Variants in SUGCT observed in about 807,000 individuals in gnomAD.
SUGCT encodes the protein succinyl-CoA:glutarate-CoA transferase.
SUGCT carries 41 observed loss-of-function variants against 55.0 expected under a neutral mutation model. That is an observed-to-expected ratio of 0.74 (90% CI 0.58 to 0.97). SUGCT has a LOEUF of 0.97. Ranked by LOEUF, SUGCT falls within the 50% of genes least tolerant of loss-of-function variation. The pLI is 0.00. For missense variants in SUGCT, 568 were observed against 547.8 expected (o/e 1.04, Z -0.37); for synonymous variants, 187 against 200.4 (o/e 0.93, Z 0.56).
At chr7:40,571,749 T>G (rs1045126519) in intron 12 of SUGCT, among the ~76,000 whole-genome samples, 6 of 152,186 alleles carry the variant, frequency 3.9e-5, no homozygotes, top group African/African-American at 1.4e-4. Context: ...AGAAAAGCTT[T>G]TATCAGGCAC....
chr7:40,229,502 G>C (rs1293731086), intron 6 of SUGCT, among the ~76,000 whole-genome samples: 1 of 146,966 alleles, frequency 6.8e-6, no homozygotes, highest in African/African-American at 2.5e-5. Flanking sequence ...CTGGGCAATA[G>C]AGTGAGACCC....
At chr7:40,351,462 G>C (rs886973554) in intron 9 of SUGCT, among the ~76,000 whole-genome samples, 1 of 151,726 alleles carries the variant, frequency 6.6e-6, no homozygotes, top group Non-Finnish European at 1.5e-5. Flanking sequence ...TATTTATTTA[G>C]GAATTTAGCA....
intron 13 of SUGCT, among the ~76,000 whole-genome samples, chr7:40,780,634 G>C (rs1311044406): frequency 6.6e-6 from 1 of 152,100 alleles, no homozygotes; most frequent in Non-Finnish European, 1.5e-5. Flanking sequence ...CCTCATTACT[G>C]ATTGTGTAGA....
the SUGCT span, among the ~76,000 whole-genome samples, chr7:40,990,729 CTTG>C: frequency 6.6e-6 from 1 of 152,250 alleles, no homozygotes; most frequent in Non-Finnish European, 1.5e-5. Context: ...TTCTAGATAA[CTTG>C]TTGTGGCTAC....
chr7:40,287,594 C>A (rs890721437), intron 8 of SUGCT, among the ~76,000 whole-genome samples: 3 of 151,678 alleles, frequency 2.0e-5, no homozygotes, highest in Non-Finnish European at 4.4e-5. Context: ...AACTCCCAGT[C>A]TCAAGCAATC....
At chr7:40,248,096 C>CT (rs1444856140) in intron 7 of SUGCT, among the ~76,000 whole-genome samples, 19 of 150,112 alleles carry the variant, frequency 1.3e-4, no homozygotes, top group African/African-American at 4.6e-4. Context: ...ACTGTAACCT[C>CT]TGCCTCCTGG....
At chr7:40,567,064 C>G (rs775778336) in intron 12 of SUGCT, among the ~76,000 whole-genome samples, 3 of 152,206 alleles carry the variant, frequency 2.0e-5, no homozygotes, top group Non-Finnish European at 2.9e-5. Context: ...TTCAAATAAT[C>G]TCCTTGCTGT....
the SUGCT span, among the ~76,000 whole-genome samples, chr7:41,002,333 T>G: frequency 6.6e-6 from 1 of 152,202 alleles, no homozygotes; most frequent in Non-Finnish European, 1.5e-5. Context: ...GAATGCGAAC[T>G]TTATCCTTTA....
At chr7:40,327,255 C>A (rs1274736410) in intron 9 of SUGCT, among the ~76,000 whole-genome samples, 3 of 103,004 alleles carry the variant, frequency 2.9e-5, no homozygotes, top group Non-Finnish European at 1.9e-5. Context: ...AAGACAAAAT[C>A]TTTTGTTTGA....
At chr7:40,295,739 A>G (rs137884722) in intron 8 of SUGCT, among the ~76,000 whole-genome samples, 7 of 152,338 alleles carry the variant, frequency 4.6e-5, no homozygotes, top group African/African-American at 1.4e-4. Context: ...GTCATAATGT[A>G]AACATTGTCT....
chr7:40,748,103 A>T (rs1787822745), intron 12 of SUGCT, among the ~76,000 whole-genome samples: 1 of 150,342 alleles, frequency 6.7e-6, no homozygotes, highest in Non-Finnish European at 1.5e-5. Flanking sequence ...AGCCAAAGCT[A>T]CCTTGTGTTC....
At chr7:40,244,377 G>T (rs1035390601) in intron 7 of SUGCT, among the ~76,000 whole-genome samples, 1 of 152,092 alleles carries the variant, frequency 6.6e-6, no homozygotes, top group Admixed American at 6.6e-5. Context: ...GCGGTCTTAG[G>T]GAAAACAATA....
chr7:40,687,335 T>G (rs1217780468), intron 12 of SUGCT, among the ~76,000 whole-genome samples: 1 of 152,224 alleles, frequency 6.6e-6, no homozygotes, highest in Non-Finnish European at 1.5e-5. Context: ...AAATTCTTGT[T>G]TTGAGTTTTG....
chr7:40,298,880 T>C (rs1210307233), intron 8 of SUGCT, among the ~76,000 whole-genome samples: 1 of 152,132 alleles, frequency 6.6e-6, no homozygotes, highest in Admixed American at 6.6e-5. Context: ...ATAGTTTGTT[T>C]CTTAAAAATA....
rs79387281 is a variant in SUGCT at position 40,786,026 on chromosome 7, G to A, written c.1153+36529G>A. Among the ~76,000 whole-genome samples the A allele has an allele frequency of 7.2e-3, 1,101 of 152,220 alleles. 17 individuals carry two copies. Among genetic ancestry groups the A allele is most frequent in the African/African-American group, 0.025 (1,053 of 41,534 alleles). ...AGGCAAGAGGATTGCTTGAACCCAG[G>A]GATCTGAGGCTGCAGTGAGCTATGA... On this transcript the variant is annotated intron_variant, in intron 13 of 13. Transcript: ENST00000335693.
chr7:40,595,757 T>G (rs1426679812), intron 12 of SUGCT, among the ~76,000 whole-genome samples: 2 of 152,202 alleles, frequency 1.3e-5, no homozygotes, highest in Non-Finnish European at 2.9e-5. Context: ...TCAAATGTGG[T>G]AACCAGAATA....
chr7:40,900,993 G>A, the SUGCT span, among the ~76,000 whole-genome samples: 1 of 152,206 alleles, frequency 6.6e-6, no homozygotes, highest in Admixed American at 6.5e-5. Flanking sequence ...GAAATGTTTG[G>A]ATGGATGTGT....
intron 1 of SUGCT, among the ~76,000 whole-genome samples, chr7:40,136,021 C>T (rs1787671919): frequency 7.7e-6 from 1 of 129,740 alleles, no homozygotes; most frequent in South Asian, 2.5e-4. Flanking sequence ...TTTTTTGAGA[C>T]AGTCTCGCTC....
At chr7:40,760,646 T>G (rs1788484432) in intron 13 of SUGCT, among the ~76,000 whole-genome samples, 1 of 152,168 alleles carries the variant, frequency 6.6e-6, no homozygotes, top group Non-Finnish European at 1.5e-5. Context: ...ATAAAAATAT[T>G]AATTAACTTC....
Sources: gnomAD v4.1 joint callset for allele counts (sites outside exome capture counted in the v4.1 genomes callset) on GRCh38, gnomAD v4.1.1 for gene constraint, MANE v1.5 for transcripts, NCBI Gene and HGNC (gene_info 2026-07-23, HGNC 2026-07-21) for gene names.